RAPGEF4: variants seen among roughly 807,000 people sequenced by gnomAD.
RAPGEF4 encodes the protein RAP guanine-nucleotide-exchange factor (GEF) 4.
RAPGEF4 carries 66 observed loss-of-function variants against 147.9 expected under a neutral mutation model. The observed-to-expected ratio is 0.45, with a 90% CI of 0.37 to 0.55. The LOEUF is 0.55. RAPGEF4 is among the 20% of genes least tolerant of loss of function. The pLI is 0.00. For synonymous variants in RAPGEF4, 419 were observed against 442.7 expected (o/e 0.95, Z 0.67); for missense variants, 1,071 against 1,257.3 (o/e 0.85, Z 2.24).
At chr2:172,951,339 G>C (rs369014273) in intron 6 of RAPGEF4, among the ~76,000 whole-genome samples, 3 of 152,304 alleles carry the variant, frequency 2.0e-5, no homozygotes, top group South Asian at 4.1e-4. Context: ...AATGAAGTCA[G>C]CTAGAATAAA....
chr2:172,866,587 G>A (rs1429675159), intron 4 of RAPGEF4, among the ~76,000 whole-genome samples: 2 of 152,130 alleles, frequency 1.3e-5, no homozygotes, highest in African/African-American at 4.8e-5. Flanking sequence ...TGACTCCCAT[G>A]CTTAGATCAG....
At chr2:172,785,480 C>G (rs1212401079) in intron 1 of RAPGEF4, among the ~76,000 whole-genome samples, 1 of 152,082 alleles carries the variant, frequency 6.6e-6, no homozygotes, top group African/African-American at 2.4e-5. Context: ...TGCATTATCT[C>G]AGATTTGACA....
chr2:172,843,372 C>G (rs1691830082), intron 4 of RAPGEF4, among the ~76,000 whole-genome samples: 1 of 152,180 alleles, frequency 6.6e-6, no homozygotes, highest in Admixed American at 6.5e-5. Flanking sequence ...GGGGGCAAGT[C>G]AAAGCATGCA....
chr2:172,830,972 A>G (rs1224258764), intron 4 of RAPGEF4, among the ~76,000 whole-genome samples: 2 of 152,182 alleles, frequency 1.3e-5, no homozygotes, highest in Non-Finnish European at 2.9e-5. Flanking sequence ...TATTTTATGA[A>G]GAATATTCTC....
intron 6 of RAPGEF4, among the ~76,000 whole-genome samples, chr2:172,957,640 G>C (rs530964469): frequency 6.6e-6 from 1 of 152,262 alleles, no homozygotes; most frequent in African/African-American, 2.4e-5. Context: ...TGTGTTCCTT[G>C]GAGATTTTAT....
At chr2:172,978,933 GC>G (rs531135175) in intron 10 of RAPGEF4, among the ~76,000 whole-genome samples, 127 of 152,324 alleles carry the variant, frequency 8.3e-4, no homozygotes, top group Non-Finnish European at 1.3e-3. Context: ...GAAGAGATTA[GC>G]AAGGTGCTGC....
chr2:173,021,584 C>T (rs1696102514), intron 23 of RAPGEF4, among the ~76,000 whole-genome samples: 1 of 152,038 alleles, frequency 6.6e-6, no homozygotes, highest in African/African-American at 2.4e-5. Flanking sequence ...CGAGACTCTG[C>T]CTCAAAAACA....
intron 4 of RAPGEF4, chr2:172,821,737 TAAAAAAAAAAAAAA>T: frequency 1.2e-6 from 1 of 819,300 alleles, no homozygotes; most frequent in East Asian, 1.4e-4. Context: ...TAACTAAAGT[TAAAAAAAAAAAAAA>T]AAAAAAAAAA....
intron 29 of RAPGEF4, among the ~76,000 whole-genome samples, chr2:173,037,317 C>T (rs576401889): frequency 6.6e-6 from 1 of 152,188 alleles, no homozygotes; most frequent in Admixed American, 6.5e-5. Flanking sequence ...AACTCCTGGG[C>T]TCAAGCGCTC....
intron 4 of RAPGEF4, among the ~76,000 whole-genome samples, chr2:172,866,201 A>G (rs1575080273): frequency 1.3e-5 from 2 of 152,040 alleles, no homozygotes; most frequent in Admixed American, 6.5e-5. Flanking sequence ...AATCTTTGTC[A>G]TGGAATTGTC....
Position 172,973,397 on chromosome 2 carries a change from G to A in RAPGEF4, c.1004+5953G>A, listed in dbSNP as rs557201674. Among the ~76,000 whole-genome samples, 6 of 152,268 alleles carry A rather than the reference G, an allele frequency of 3.9e-5. No individual in the cohort carries two copies. In the South Asian group the frequency reaches 1.2e-3, roughly 32 times the overall value. ...CAAAGTATTGGGATTATAGGCATGA[G>A]CCACTGGGCCGAGCACCTTTCTTCT... On this transcript the variant is annotated intron_variant, in intron 10 of 30. Transcript: ENST00000397081.
intron 16 of RAPGEF4, among the ~76,000 whole-genome samples, chr2:173,000,748 TTC>T (rs1553545526): frequency 0.4 from 32,901 of 81,986 alleles, 3,878 homozygotes; most frequent in East Asian, 0.48. Context: ...TTTTCTTTCT[TTC>T]TTTTTTTTTT....
chr2:172,942,566 G>A (rs954919278), intron 6 of RAPGEF4, among the ~76,000 whole-genome samples: 3 of 129,354 alleles, frequency 2.3e-5, no homozygotes. Flanking sequence ...CTTAGAGTCT[G>A]GTAAAAAAAA....
intron 9 of RAPGEF4, among the ~76,000 whole-genome samples, chr2:172,966,083 G>A (rs1299885508): frequency 2.0e-5 from 3 of 152,116 alleles, no homozygotes; most frequent in African/African-American, 4.8e-5. Context: ...TAATGAATTC[G>A]GAAGCTGCCT....
At chr2:172,826,244 G>A (rs115520073) in intron 4 of RAPGEF4, among the ~76,000 whole-genome samples, 1 of 152,218 alleles carries the variant, frequency 6.6e-6, no homozygotes, top group Non-Finnish European at 1.5e-5. Context: ...TGAGGTTAGA[G>A]AAGCGAGTTC....
chr2:173,020,399 T>C (rs1251345610), intron 22 of RAPGEF4, among the ~76,000 whole-genome samples: 3 of 152,180 alleles, frequency 2.0e-5, no homozygotes, highest in Non-Finnish European at 4.4e-5. Flanking sequence ...CTGGCATCTC[T>C]ATTCCTTTTT....
intron 4 of RAPGEF4, among the ~76,000 whole-genome samples, chr2:172,860,567 G>GTTTTTTTTT (rs11400519): frequency 4.9e-4 from 64 of 129,536 alleles, no homozygotes; most frequent in African/African-American, 1.6e-3. Flanking sequence ...GTTTATTTGG[G>GTTTTTTTTT]TTTTTTTTTT....
chr2:172,973,669 T>C (rs1298329060), intron 10 of RAPGEF4, among the ~76,000 whole-genome samples: 1 of 152,156 alleles, frequency 6.6e-6, no homozygotes, highest in African/African-American at 2.4e-5. Flanking sequence ...TTTATAGTCA[T>C]TTGGGGCACC....
intron 25 of RAPGEF4, among the ~76,000 whole-genome samples, chr2:173,029,635 G>A (rs749213523): frequency 1.3e-5 from 2 of 152,150 alleles, no homozygotes; most frequent in Non-Finnish European, 2.9e-5. Context: ...AATTCCTTGA[G>A]ATTGAGTGCC....
Sources: gnomAD v4.1 joint callset for allele counts (sites outside exome capture counted in the v4.1 genomes callset) on GRCh38, gnomAD v4.1.1 for gene constraint, MANE v1.5 for transcripts, NCBI Gene and HGNC (gene_info 2026-07-23, HGNC 2026-07-21) for gene names.